Variants in LRRTM4 observed in about 807,000 individuals in gnomAD.
The protein encoded by LRRTM4 is leucine rich repeat transmembrane neuronal 4, also known as leucine-rich repeat transmembrane neuronal protein 4.
LRRTM4 carries 25 observed loss-of-function variants against 47.6 expected under a neutral mutation model. That is an observed-to-expected ratio of 0.53 (90% CI 0.38 to 0.73). LRRTM4 has a LOEUF of 0.73. LRRTM4 is among the 30% of genes least tolerant of loss of function. LRRTM4 has a pLI of 0.00. For missense variants in LRRTM4, 638 were observed against 713.4 expected (o/e 0.89, Z 1.20); for synonymous variants, 311 against 269.5 (o/e 1.15, Z -1.51).
At chr2:77,182,095 C>T (rs1296981380) in intron 3 of LRRTM4, among the ~76,000 whole-genome samples, 1 of 152,142 alleles carries the variant, frequency 6.6e-6, no homozygotes, top group Non-Finnish European at 1.5e-5. Context: ...GATTATAAAT[C>T]ATTCTACTAT....
rs147825768 is a variant in LRRTM4 at position 76,834,824 on chromosome 2, T to C, written c.1552-85908A>G. Reference sequence around the variant, plus strand: ...AAATAGAAGAAATACCAGGGCATATTATGTTATGCAATAGTACTTGAATAA... The same window carrying C: ...AAATAGAAGAAATACCAGGGCATATCATGTTATGCAATAGTACTTGAATAA... On this transcript the variant is annotated intron_variant, in intron 3 of 3. Transcript: ENST00000409884. 1.2e-4 allele frequency among the ~76,000 whole-genome samples: 19 copies of C among 152,284 alleles called. No individual in the cohort carries two copies. In the East Asian group the frequency reaches 2.9e-3, roughly 23 times the overall value.
At chr2:77,151,395 C>A (rs1672426491) in intron 3 of LRRTM4, among the ~76,000 whole-genome samples, 1 of 152,094 alleles carries the variant, frequency 6.6e-6, no homozygotes. Flanking sequence ...ATGATAGATG[C>A]CTCATATAAT....
rs1306316118 is a variant in LRRTM4, at chr2:76,974,227, C to T, written c.1552-225311G>A. Among the ~76,000 whole-genome samples, 45 of 125,118 alleles carry T rather than the reference C, an allele frequency of 3.6e-4. 1 individual carries two copies. The highest frequency in any genetic ancestry group is 6.6e-4 in the African/African-American group (21 of 31,802). The allele number at this position is 125,118 out of a possible 152,430, so 82.1% of individuals were successfully genotyped here. A position where few individuals can be genotyped will look rare whatever the true frequency, so the allele number is the denominator to read the frequency against. On this transcript the variant is annotated intron_variant, in intron 3 of 3. Coordinates refer to ENST00000409884, the MANE Select transcript of LRRTM4 (RefSeq NM_001134745.3). ...ATATATATACACATATATATACATA[C>T]ATATATATATATACATATATATATA...
chr2:77,072,939 A>C (rs145079936), intron 3 of LRRTM4, among the ~76,000 whole-genome samples: 325 of 152,268 alleles, frequency 2.1e-3, no homozygotes, highest in African/African-American at 7.6e-3. Flanking sequence ...AAGACAGAAG[A>C]AGCATAAATA....
intron 3 of LRRTM4, among the ~76,000 whole-genome samples, chr2:77,056,351 A>G (rs1327121209): frequency 1.3e-5 from 2 of 152,188 alleles, no homozygotes; most frequent in Admixed American, 1.3e-4. Context: ...ACTAGACTCA[A>G]AAGTATAGCA....
rs546054844 is a variant in LRRTM4 at position 77,152,782 on chromosome 2, T to C, written c.1551+365536A>G. Reference sequence around the variant, plus strand: ...TGCTAAGTATTCATCATTTTTCTTCTATTTAACCCCCACCCTTTTTATTGT... The same window carrying C: ...TGCTAAGTATTCATCATTTTTCTTCCATTTAACCCCCACCCTTTTTATTGT... On this transcript the variant is annotated intron_variant, in intron 3 of 3. Transcript: ENST00000409884. Among the ~76,000 whole-genome samples, 4 of 152,290 alleles carry C rather than the reference T, an allele frequency of 2.6e-5. No individual in the cohort carries two copies. The South Asian group carries it at 8.3e-4, about 32-fold the overall frequency.
chr2:77,361,845 A>G (rs1672224962), intron 3 of LRRTM4, among the ~76,000 whole-genome samples: 1 of 152,092 alleles, frequency 6.6e-6, no homozygotes, highest in African/African-American at 2.4e-5. Context: ...CAAATCTGAG[A>G]TTCAGAAAGA....
At chr2:77,434,074 A>G (rs1202490382) in intron 3 of LRRTM4, among the ~76,000 whole-genome samples, 2 of 152,262 alleles carry the variant, frequency 1.3e-5, no homozygotes, top group Non-Finnish European at 2.9e-5. Context: ...TAATTGTCCA[A>G]TGGGTCTAGA....
chr2:76,923,444 C>G (rs1394992944), intron 3 of LRRTM4, among the ~76,000 whole-genome samples: 1 of 151,796 alleles, frequency 6.6e-6, no homozygotes, highest in Admixed American at 6.6e-5. Context: ...ATACTCAAAA[C>G]TGAGCAAAAA....
At chr2:77,271,532 G>A (rs753960569) in intron 3 of LRRTM4, among the ~76,000 whole-genome samples, 2 of 152,182 alleles carry the variant, frequency 1.3e-5, no homozygotes, top group Non-Finnish European at 2.9e-5. Context: ...GGGGGGCCAA[G>A]TAGAGGGGGC....
At chr2:76,757,352 C>T (rs527631589) in intron 3 of LRRTM4, among the ~76,000 whole-genome samples, 11 of 152,056 alleles carry the variant, frequency 7.2e-5, no homozygotes, top group Admixed American at 1.3e-4. Flanking sequence ...GATAAGAGAA[C>T]AAAGATCCAT....
At chr2:76,828,302 G>C (rs938438949) in intron 3 of LRRTM4, among the ~76,000 whole-genome samples, 1 of 151,850 alleles carries the variant, frequency 6.6e-6, no homozygotes, top group African/African-American at 2.4e-5. Flanking sequence ...AGAGGAAAAG[G>C]CTTCCTCCAT....
chr2:76,890,535 T>C (rs1022270825), intron 3 of LRRTM4, among the ~76,000 whole-genome samples: 2 of 151,960 alleles, frequency 1.3e-5, no homozygotes, highest in Non-Finnish European at 2.9e-5. Flanking sequence ...AACACTTTAA[T>C]ATGTTTGTGC....
chr2:76,851,460 G>A (rs1363168306), intron 3 of LRRTM4, among the ~76,000 whole-genome samples: 1 of 152,124 alleles, frequency 6.6e-6, no homozygotes, highest in Non-Finnish European at 1.5e-5. Context: ...TTGAGCACAA[G>A]TGAGTTACCT....
At chr2:77,179,792 T>C (rs1341521811) in intron 3 of LRRTM4, among the ~76,000 whole-genome samples, 1 of 152,126 alleles carries the variant, frequency 6.6e-6, no homozygotes. Context: ...CTTAATATAG[T>C]CAAAATTGAA....
At chr2:77,086,459 G>T (rs1277716677) in intron 3 of LRRTM4, among the ~76,000 whole-genome samples, 31 of 149,866 alleles carry the variant, frequency 2.1e-4, no homozygotes, top group Non-Finnish European at 1.6e-4. Context: ...ACTCATGATT[G>T]CAGGTTACAT....
At chr2:77,395,724 A>G (rs895964966) in intron 3 of LRRTM4, among the ~76,000 whole-genome samples, 1 of 151,988 alleles carries the variant, frequency 6.6e-6, no homozygotes, top group African/African-American at 2.4e-5. Context: ...ACTGAGACAA[A>G]TGAGACTAGC....
chr2:77,056,185 T>TATA (rs143839517), intron 3 of LRRTM4, among the ~76,000 whole-genome samples: 70,502 of 151,024 alleles, frequency 0.47, 17,083 homozygotes, highest in African/African-American at 0.59. Flanking sequence ...AAACTTAAAG[T>TATA]ATAATAATAA....
At chr2:77,457,604 A>T (rs1015625624) in intron 3 of LRRTM4, among the ~76,000 whole-genome samples, 1 of 152,140 alleles carries the variant, frequency 6.6e-6, no homozygotes, top group Non-Finnish European at 1.5e-5. Flanking sequence ...ACAAAAAAAA[A>T]ATCTAATGCT....
Sources: gnomAD v4.1 joint callset for allele counts (sites outside exome capture counted in the v4.1 genomes callset) on GRCh38, gnomAD v4.1.1 for gene constraint, MANE v1.5 for transcripts, NCBI Gene and HGNC (gene_info 2026-07-23, HGNC 2026-07-21) for gene names.